NAV2: variants seen among roughly 807,000 people sequenced by gnomAD.
NAV2 encodes neuron navigator 2.
In NAV2, 54 loss-of-function variants were observed where a neutral mutation model predicts 223.2. That is an observed-to-expected ratio of 0.24 (90% CI 0.19 to 0.30). The LOEUF is 0.30. Among genes scored for constraint, NAV2 ranks in the 10% least tolerant of loss-of-function variants. NAV2 has a pLI of 1.00. For missense variants in NAV2, 2,806 were observed against 3,147.5 expected (o/e 0.89, Z 2.60); for synonymous variants, 1,279 against 1,239.3 (o/e 1.03, Z -0.67).
chr11:19,850,091 T>G (rs1398397091), intron 3 of NAV2, among the ~76,000 whole-genome samples: 1 of 152,186 alleles, frequency 6.6e-6, no homozygotes, highest in Non-Finnish European at 1.5e-5. Flanking sequence ...AGGCCGTGTA[T>G]TTTCATGCCT....
chr11:19,844,058 C>T (rs1280493008), intron 3 of NAV2, among the ~76,000 whole-genome samples: 2 of 152,124 alleles, frequency 1.3e-5, no homozygotes, highest in Non-Finnish European at 2.9e-5. Context: ...TGAAGGTTTT[C>T]TTTCTTTTTG....
intron 1 of NAV2, among the ~76,000 whole-genome samples, chr11:19,585,057 G>T (rs1004001780): frequency 6.6e-6 from 1 of 152,116 alleles, no homozygotes; most frequent in Admixed American, 6.6e-5. Context: ...ATGAATCTGG[G>T]TGCTCCTATA....
intron 1 of NAV2, among the ~76,000 whole-genome samples, chr11:19,629,511 T>G (rs1385905305): frequency 6.6e-6 from 1 of 150,394 alleles, no homozygotes; most frequent in East Asian, 2.0e-4. Flanking sequence ...ACACACACTC[T>G]TTGCCTCTTT....
intron 1 of NAV2, among the ~76,000 whole-genome samples, chr11:19,798,856 T>C (rs2058071077): frequency 6.6e-6 from 1 of 152,212 alleles, no homozygotes; most frequent in Admixed American, 6.5e-5. Flanking sequence ...AATGCCTGAC[T>C]TCGACCTATG....
chr11:19,785,957 A>T (rs915165461), intron 1 of NAV2, among the ~76,000 whole-genome samples: 2 of 152,192 alleles, frequency 1.3e-5, no homozygotes, highest in Non-Finnish European at 2.9e-5. Flanking sequence ...CTTATCACTC[A>T]GTAAGGATGA....
intron 1 of NAV2, among the ~76,000 whole-genome samples, chr11:19,658,296 C>T (rs943909330): frequency 1.3e-5 from 2 of 152,084 alleles, no homozygotes; most frequent in Non-Finnish European, 2.9e-5. Context: ...AGACTTTTAG[C>T]TATTATTCTA....
rs1024159585 is a variant in NAV2, at chr11:19,624,455, C to T, written c.76-208029C>T. Among the ~76,000 whole-genome samples, 20 of 152,184 alleles carry T rather than the reference C, an allele frequency of 1.3e-4. 1 individual carries two copies. Among genetic ancestry groups the T allele is most frequent in the African/African-American group, 3.4e-4 (14 of 41,442 alleles). ...TTACCTACTCAAGCCTCAGCAATGGCGGGTGCCCCTCCCCCAGCCTCGCTA... is the reference window on the plus strand; with the variant it reads ...TTACCTACTCAAGCCTCAGCAATGGTGGGTGCCCCTCCCCCAGCCTCGCTA... On this transcript the variant is annotated intron_variant, in intron 1 of 37. Coordinates refer to the NAV2 transcript ENST00000360655.
At chr11:19,652,089 T>C (rs1250785735) in intron 1 of NAV2, among the ~76,000 whole-genome samples, 1 of 152,156 alleles carries the variant, frequency 6.6e-6, no homozygotes, top group South Asian at 2.1e-4. Flanking sequence ...ATAACTCGGA[T>C]GCACAGTGAT....
intron 7 of NAV2, among the ~76,000 whole-genome samples, chr11:19,939,321 A>G (rs2046201825): frequency 1.3e-5 from 2 of 152,128 alleles, no homozygotes; most frequent in African/African-American, 2.4e-5. Context: ...GTTCTTTGGC[A>G]TAGGTTAAAT....
chr11:19,961,962 G>A (rs1161691003), intron 10 of NAV2, among the ~76,000 whole-genome samples: 1 of 151,862 alleles, frequency 6.6e-6, no homozygotes, highest in Non-Finnish European at 1.5e-5. Flanking sequence ...GTGTGTGTAG[G>A]TTTGTGTGGG....
chr11:19,709,319 A>G (rs570477079), upstream of NAV2, among the ~76,000 whole-genome samples: 47 of 151,566 alleles, frequency 3.1e-4, no homozygotes, highest in East Asian at 1.2e-3. Flanking sequence ...AAGGCGGGCG[A>G]ATCACGAGGT....
Position 20,118,257 on chromosome 11 carries a change from G to A in NAV2, c.7289G>A (p.Ter2430=). The A allele has an allele frequency of 1.2e-6, 2 of 1,613,806 alleles. No individual in the cohort carries two copies. Among genetic ancestry groups the A allele is most frequent in the Non-Finnish European group, 1.7e-6 (2 of 1,179,960 alleles). Residue 2430 remains the stop codon, a stop_retained_variant, in exon 38 of 38, where the codon TGA becomes TAA. Transcript: ENST00000349880. ...GACTCCTCTTTGGAGTCCACTCTGT[G>A]ACAGGGGCCCGGAGCCCAGCGCCCT... The part of the protein sequence containing the change: ...ILDSSLESTL[*]
chr11:19,383,055 G>C (rs1465870783), intron 1 of NAV2, among the ~76,000 whole-genome samples: 1 of 152,210 alleles, frequency 6.6e-6, no homozygotes, highest in Non-Finnish European at 1.5e-5. Context: ...GGCTGATTGA[G>C]GGATTTGTGG....
chr11:19,626,495 T>C (rs1379245441), intron 1 of NAV2, among the ~76,000 whole-genome samples: 2 of 152,218 alleles, frequency 1.3e-5, no homozygotes, highest in African/African-American at 4.8e-5. Flanking sequence ...TGTTCAGGAT[T>C]ACTTTGGTTA....
chr11:19,793,341 T>C (rs1056081060), intron 1 of NAV2, among the ~76,000 whole-genome samples: 1 of 152,186 alleles, frequency 6.6e-6, no homozygotes, highest in African/African-American at 2.4e-5. Flanking sequence ...TTGTTTTCCA[T>C]CTCTGATTTA....
chr11:19,345,462 G>C, the NAV2 span, among the ~76,000 whole-genome samples: 1 of 152,232 alleles, frequency 6.6e-6, no homozygotes, highest in African/African-American at 2.4e-5. This position sits in a 1 kb window ranked among gnomAD's most constrained non-coding sequence, Gnocchi z 5.2. Context: ...TCCAGAGCAG[G>C]GTGGGGACTG....
At chr11:19,593,482 G>A (rs1449892533) in intron 1 of NAV2, among the ~76,000 whole-genome samples, 5 of 152,292 alleles carry the variant, frequency 3.3e-5, no homozygotes, top group South Asian at 2.1e-4. Context: ...TGGCTTTGAC[G>A]TATAAAGCAG....
chr11:19,533,767 C>T (rs112196041), intron 1 of NAV2, among the ~76,000 whole-genome samples: 5 of 124,452 alleles, frequency 4.0e-5, no homozygotes, highest in Non-Finnish European at 7.5e-5. Flanking sequence ...AGTGCAGTGG[C>T]GGGATCTCGG....
At chr11:19,889,286 G>A (rs1354194271) in intron 5 of NAV2, among the ~76,000 whole-genome samples, 1 of 152,194 alleles carries the variant, frequency 6.6e-6, no homozygotes, top group Non-Finnish European at 1.5e-5. Context: ...TGCTGAAAAT[G>A]TCAGACGGAG....
Sources: gnomAD v4.1 joint callset for allele counts (sites outside exome capture counted in the v4.1 genomes callset) on GRCh38, gnomAD v4.1.1 for gene constraint, Gnocchi (gnomAD v3.1) non-coding constraint, MANE v1.5 for transcripts, NCBI Gene and HGNC (gene_info 2026-07-23, HGNC 2026-07-21) for gene names.